Variants in COQ8B observed in about 807,000 individuals in gnomAD.
COQ8B encodes atypical kinase COQ8B, mitochondrial.
A neutral mutation model predicts 62.0 loss-of-function variants in COQ8B; 44 were observed. The observed-to-expected ratio is 0.71, with a 90% confidence interval of 0.56 to 0.91. COQ8B has a LOEUF of 0.91. COQ8B is among the 40% of genes least tolerant of loss of function. The pLI is 0.00. For missense variants in COQ8B, 649 were observed against 731.6 expected (o/e 0.89, Z 1.30); for synonymous variants, 252 against 289.9 (o/e 0.87, Z 1.33).
chr19:40,706,231 A>G (rs1345231159), intron 5 of COQ8B, among the ~76,000 whole-genome samples: 1 of 152,226 alleles, frequency 6.6e-6, no homozygotes, highest in Non-Finnish European at 1.5e-5. Context: ...AAGGGCAACG[A>G]TTCTCGAAAT....
chr19:40,702,067 C>T (rs945841320), intron 10 of COQ8B, among the ~76,000 whole-genome samples: 4 of 152,150 alleles, frequency 2.6e-5, no homozygotes, highest in Admixed American at 6.6e-5. Flanking sequence ...TGCAGACAAG[C>T]GTTCTAGAAC....
intron 3 of COQ8B, 47 bp downstream of exon 3, chr19:40,714,231 C>G: frequency 1.9e-6 from 3 of 1,606,432 alleles, no homozygotes; most frequent in African/African-American, 2.7e-5. Context: ...GCTCAGGGGG[C>G]CAGCAGTATT....
intron 13 of COQ8B, among the ~76,000 whole-genome samples, chr19:40,694,216 C>G (rs1210498119): frequency 6.6e-6 from 1 of 152,176 alleles, no homozygotes; most frequent in Non-Finnish European, 1.5e-5. Context: ...CTGTCCCCAA[C>G]TTCTAGCCCG....
At chr19:40,711,108 GAAACAAGAGAGAAACTCCGTCTCA>G (rs1451308993) in intron 4 of COQ8B, among the ~76,000 whole-genome samples, 1 of 140,882 alleles carries the variant, frequency 7.1e-6, no homozygotes, top group Non-Finnish European at 1.5e-5. Flanking sequence ...TCCAGCCTGG[GAAACAAGAGAGAAACTCCGTCTCA>G]AAAAAAAAAA....
intron 12 of COQ8B, 31 bp downstream of exon 12, chr19:40,700,036 T>A: frequency 6.3e-7 from 1 of 1,586,842 alleles, no homozygotes; most frequent in Non-Finnish European, 8.7e-7. Flanking sequence ...CAACAGCAAA[T>A]GTACCCAGAC....
chr19:40,700,200 T>A lies in COQ8B; in HGVS notation c.1036-26A>T, dbSNP rs765124326. ...CTGGGGTGGGGAGAATTAACAGGCATCTCAGTGTGATCTCCCTTGTGGTGC... is the reference window on the plus strand; with the variant it reads ...CTGGGGTGGGGAGAATTAACAGGCAACTCAGTGTGATCTCCCTTGTGGTGC... On this transcript the variant is annotated intron_variant, in intron 11 of 14. Coordinates refer to ENST00000324464, the MANE Select transcript of COQ8B (RefSeq NM_024876.4). 3 of 1,613,694 alleles carry A rather than the reference T, an allele frequency of 1.9e-6. No individual in the cohort carries two copies. In the African/African-American group the frequency reaches 4.0e-5, roughly 22 times the overall value.
Position 40,715,004 on chromosome 19 carries a change from C to T in COQ8B, c.-3-369G>A, listed in dbSNP as rs563967283. The T allele has an allele frequency of 3.9e-6, 4 of 1,012,924 alleles. No homozygotes were observed. In the East Asian group the frequency reaches 4.0e-4, roughly 102 times the overall value. 62.7% of individuals were successfully genotyped at this position (1,012,924 alleles called of 1,614,324 possible). ...ACCCGCAATTCCTCCGGTGTCCCCCCGCCCGATCCCCACCCCGTTACTGAG... is the reference window on the plus strand; with the variant it reads ...ACCCGCAATTCCTCCGGTGTCCCCCTGCCCGATCCCCACCCCGTTACTGAG... On this transcript the variant is annotated intron_variant, in intron 1 of 14. Coordinates refer to ENST00000324464, the MANE Select transcript of COQ8B (RefSeq NM_024876.4).
intron 10 of COQ8B, 94 bp from the exon 11 acceptor site, chr19:40,700,545 G>A: frequency 6.8e-7 from 1 of 1,464,912 alleles, no homozygotes; most frequent in African/African-American, 1.4e-5. Flanking sequence ...AGTCCTCCAT[G>A]AACAGTCTGC....
intron 5 of COQ8B, among the ~76,000 whole-genome samples, chr19:40,706,215 C>T (rs937930008): frequency 1.3e-5 from 2 of 152,162 alleles, no homozygotes; most frequent in Admixed American, 6.5e-5. Context: ...CAGGTGGGGA[C>T]ATGAGAAGGG....
chr19:40,699,689 A>G (rs572654312), intron 12 of COQ8B, among the ~76,000 whole-genome samples: 1 of 152,324 alleles, frequency 6.6e-6, no homozygotes, highest in South Asian at 2.1e-4. Flanking sequence ...TCCATTTTCC[A>G]GCATGCCTTG....
intron 14 of COQ8B, among the ~76,000 whole-genome samples, chr19:40,692,611 C>G (rs1357467995): frequency 1.3e-5 from 2 of 152,038 alleles, no homozygotes; most frequent in Non-Finnish European, 2.9e-5. Flanking sequence ...GACAAGTAGC[C>G]CTCTACTCTC....
chr19:40,697,875 G>GAGAGAGAGAGAGC (rs58313890), intron 12 of COQ8B, among the ~76,000 whole-genome samples: 1 of 103,474 alleles, frequency 9.7e-6, no homozygotes, highest in African/African-American at 4.2e-5. Flanking sequence ...GAGAGAGAGA[G>GAGAGAGAGAGAGC]AGTTTCTACT....
chr19:40,713,741 C>T (rs1029085398), intron 4 of COQ8B, among the ~76,000 whole-genome samples: 13 of 146,392 alleles, frequency 8.9e-5, no homozygotes, highest in East Asian at 2.0e-4. Context: ...AAAAATTACC[C>T]GGGCGGATGG....
chr19:40,708,079 T>G (rs1322425088), intron 5 of COQ8B: 2 of 152,218 alleles, frequency 1.3e-5, no homozygotes, highest in African/African-American at 4.8e-5. Context: ...CTTTATGAAT[T>G]TATGTGTCAT....
chr19:40,699,778 TTA>T (rs761009619), intron 12 of COQ8B, among the ~76,000 whole-genome samples: 2 of 152,322 alleles, frequency 1.3e-5, no homozygotes, highest in Non-Finnish European at 2.9e-5. Flanking sequence ...CAGGATGAGC[TTA>T]GTGTATTTAG....
At chr19:40,705,876 A>G (rs1178156061) in intron 5 of COQ8B, among the ~76,000 whole-genome samples, 1 of 151,294 alleles carries the variant, frequency 6.6e-6, no homozygotes, top group African/African-American at 2.4e-5. Flanking sequence ...GCTGCAATGA[A>G]CTGTGATCGC....
At chr19:40,701,416 G>C in intron 10 of COQ8B, 1 of 152,266 alleles carries the variant, frequency 6.6e-6, no homozygotes, top group East Asian at 1.9e-4. Flanking sequence ...GGGATGGCTG[G>C]AGGAGAGTGA....
chr19:40,708,223 C>A (rs2082115536), intron 5 of COQ8B: 1 of 152,070 alleles, frequency 6.6e-6, no homozygotes, highest in Non-Finnish European at 1.5e-5. Flanking sequence ...TGGTGGCTCA[C>A]AGCTGTAATC....
At chr19:40,709,188 A>T (rs986232053) in intron 5 of COQ8B, among the ~76,000 whole-genome samples, 2 of 152,226 alleles carry the variant, frequency 1.3e-5, no homozygotes, top group Non-Finnish European at 2.9e-5. Context: ...TAAGAAAATT[A>T]ACACCAATTC....
Sources: gnomAD v4.1 joint callset for allele counts (sites outside exome capture counted in the v4.1 genomes callset) on GRCh38, gnomAD v4.1.1 for gene constraint, MANE v1.5 for transcripts, NCBI Gene and HGNC (gene_info 2026-07-23, HGNC 2026-07-21) for gene names.